Variants in MAP2 observed in about 807,000 individuals in gnomAD.
MAP2 encodes the protein microtubule-associated protein 2.
MAP2 carries 14 observed loss-of-function variants against 137.6 expected under a neutral mutation model. That is an observed-to-expected ratio of 0.10 (90% CI 0.07 to 0.16). The LOEUF is 0.16. Ranked by LOEUF, MAP2 falls within the 10% of genes least tolerant of loss-of-function variation. The pLI, the probability that MAP2 is intolerant of heterozygous loss-of-function variation, is 1.00. For missense variants in MAP2, 2,088 were observed against 2,191.5 expected, an observed-to-expected ratio of 0.95 and a Z score of 0.94; for synonymous variants, 786 against 782.3, an observed-to-expected ratio of 1.00 and a Z score of -0.08.
At chr2:209,522,286 T>C (rs569093879) in intron 2 of MAP2, among the ~76,000 whole-genome samples, 1 of 152,230 alleles carries the variant, frequency 6.6e-6, no homozygotes, top group South Asian at 2.1e-4. Flanking sequence ...CCTGTAAATA[T>C]GGCTAATGCA....
At chr2:209,614,811 C>T (rs934442600) in intron 3 of MAP2, among the ~76,000 whole-genome samples, 1 of 152,134 alleles carries the variant, frequency 6.6e-6, no homozygotes, top group Admixed American at 6.6e-5. Context: ...ATTAAGTGAT[C>T]ATGCATTGCC....
chr2:209,527,275 AT>A (rs1318740683), intron 2 of MAP2, among the ~76,000 whole-genome samples: 5 of 152,066 alleles, frequency 3.3e-5, no homozygotes, highest in Admixed American at 6.6e-5. Flanking sequence ...TATCTGATAT[AT>A]TTTTTTGTAC....
At chr2:209,540,666 GAA>G (rs2066855719) in intron 2 of MAP2, among the ~76,000 whole-genome samples, 2 of 95,654 alleles carry the variant, frequency 2.1e-5, no homozygotes, top group East Asian at 3.3e-4. Context: ...AAAAAAAGAA[GAA>G]AAGAAAAGAA....
intron 2 of MAP2, among the ~76,000 whole-genome samples, chr2:209,527,501 C>G (rs1033366965): frequency 1.3e-5 from 2 of 152,160 alleles, no homozygotes; most frequent in Non-Finnish European, 2.9e-5. Flanking sequence ...TACTCCGCCT[C>G]TCTTCTTTCT....
intron 11 of MAP2, among the ~76,000 whole-genome samples, chr2:209,702,227 A>G (rs1168824881): frequency 6.6e-6 from 1 of 152,038 alleles, no homozygotes; most frequent in Non-Finnish European, 1.5e-5. Context: ...CAGCACTTGG[A>G]ACAGAACCAT....
chr2:209,620,720 A>G (rs922802699), intron 3 of MAP2, among the ~76,000 whole-genome samples: 1 of 152,208 alleles, frequency 6.6e-6, no homozygotes, highest in East Asian at 1.9e-4. Flanking sequence ...TGTTTTGGAC[A>G]TTCAGTCTTC....
intron 14 of MAP2, among the ~76,000 whole-genome samples, 195 bp from the exon 15 acceptor site, chr2:209,729,655 T>A (rs2075357119): frequency 6.6e-6 from 1 of 151,996 alleles, no homozygotes; most frequent in African/African-American, 2.4e-5. Context: ...ATAAGAAGGG[T>A]GTTATGGTCT....
intron 2 of MAP2, among the ~76,000 whole-genome samples, chr2:209,530,197 G>T (rs1166864921): frequency 6.6e-6 from 1 of 151,312 alleles, no homozygotes; most frequent in Non-Finnish European, 1.5e-5. Flanking sequence ...TAGCAGGAGG[G>T]AGAAATGCAG....
Position 209,660,704 on chromosome 2 carries a change from TATTA to T in MAP2, c.262+7273_262+7276del, listed in dbSNP as rs1448292182. Among the ~76,000 whole-genome samples the T allele has an allele frequency of 5.8e-5, 3 of 51,694 alleles. No homozygotes were observed. In the Admixed American group the frequency reaches 6.6e-4, roughly 11 times the overall value. 33.9% of individuals were successfully genotyped at this position (51,694 alleles called of 152,430 possible). A position where few individuals can be genotyped will look rare whatever the true frequency, so the allele number is the denominator to read the frequency against. ...GCCACCGTGCCCGGCCTGCTGCAATTATTATTATTATTATTATTATTATTATTAT... is the reference window on the plus strand; with the variant it reads ...GCCACCGTGCCCGGCCTGCTGCAATTTTATTATTATTATTATTATTATTAT... On this transcript the variant is annotated intron_variant, in intron 5 of 15. Transcript: ENST00000682079.
intron 2 of MAP2, among the ~76,000 whole-genome samples, chr2:209,574,215 G>A (rs757945198): frequency 7.9e-5 from 12 of 152,078 alleles, no homozygotes; most frequent in Non-Finnish European, 1.0e-4. Context: ...CTGCCAAACT[G>A]TCCCCCAGCC....
At chr2:209,618,227 GA>G (rs766715702) in intron 3 of MAP2, among the ~76,000 whole-genome samples, 1 of 151,972 alleles carries the variant, frequency 6.6e-6, no homozygotes, top group African/African-American at 2.4e-5. Context: ...CAGGCAGAAA[GA>G]AAGAGAAAGA....
intron 4 of MAP2, among the ~76,000 whole-genome samples, chr2:209,628,749 C>T (rs912993227): frequency 3.3e-5 from 5 of 152,138 alleles, no homozygotes; most frequent in Non-Finnish European, 7.3e-5. Context: ...TACATCATCT[C>T]GACATGATCT....
intron 1 of MAP2, among the ~76,000 whole-genome samples, chr2:209,441,519 T>C (rs965149968): frequency 6.6e-6 from 1 of 151,596 alleles, no homozygotes; most frequent in Non-Finnish European, 1.5e-5. Flanking sequence ...AAGGATTTAT[T>C]GTACTGCTTT....
At chr2:209,648,762 C>T (rs1288054321) in intron 4 of MAP2, among the ~76,000 whole-genome samples, 1 of 144,322 alleles carries the variant, frequency 6.9e-6, no homozygotes, top group African/African-American at 2.7e-5. Flanking sequence ...GCACTCTAGC[C>T]TGGGTGACGG....
intron 5 of MAP2, among the ~76,000 whole-genome samples, chr2:209,677,561 T>G (rs1376106359): frequency 2.0e-5 from 3 of 152,078 alleles, no homozygotes; most frequent in Non-Finnish European, 4.4e-5. Context: ...ATAGTGAGTA[T>G]GTTTCCTTCA....
At chr2:209,681,870 A>G (rs1290355279) in intron 7 of MAP2, among the ~76,000 whole-genome samples, 2 of 152,088 alleles carry the variant, frequency 1.3e-5, no homozygotes, top group East Asian at 1.9e-4. Flanking sequence ...ATCACCTCTA[A>G]TATAATTTTA....
intron 2 of MAP2, among the ~76,000 whole-genome samples, chr2:209,577,836 T>C (rs533996606): frequency 6.6e-6 from 1 of 152,298 alleles, no homozygotes; most frequent in Admixed American, 6.5e-5. Context: ...CAATCATGCT[T>C]GATTTATCTG....
At chr2:209,444,461 A>G (rs1397466497) in intron 1 of MAP2, among the ~76,000 whole-genome samples, 1 of 151,580 alleles carries the variant, frequency 6.6e-6, no homozygotes, top group Non-Finnish European at 1.5e-5. Flanking sequence ...AAATAACCAT[A>G]CATTCCAATT....
chr2:209,714,407 G>A (rs2066704578), intron 13 of MAP2, among the ~76,000 whole-genome samples: 1 of 152,114 alleles, frequency 6.6e-6, no homozygotes. Flanking sequence ...CTCCATTAAT[G>A]ACTACAGTCA....
Sources: allele counts gnomAD v4.1 joint callset (sites outside exome capture counted in the v4.1 genomes callset), GRCh38; gene constraint gnomAD v4.1.1; transcripts MANE v1.5; gene names NCBI Gene and HGNC (gene_info 2026-07-23, HGNC 2026-07-21).